Variants in GRID1 observed in about 807,000 individuals in gnomAD.
The protein encoded by GRID1 is glutamate ionotropic receptor delta type subunit 1.
A neutral mutation model predicts 98.0 loss-of-function variants in GRID1; 28 were observed. That is an observed-to-expected ratio of 0.29 (90% CI 0.21 to 0.39). GRID1 has a LOEUF of 0.39. GRID1 is among the 10% of genes least tolerant of loss of function. The pLI is 1.00. For missense variants in GRID1, 1,111 were observed against 1,340.5 expected (o/e 0.83, Z 2.67); for synonymous variants, 553 against 538.5 (o/e 1.03, Z -0.37).
At position 85,723,148 on chromosome 10, in the gene GRID1, G is replaced by A. The variant is rs377431083; in HGVS notation, c.1859-7C>T. ...TTCACGGAAGATTCGCCACCTGCGG[G>A]AGGCAGACAAAGTGGATTGGCCAGT... On this transcript the variant is annotated splice_region_variant and splice_polypyrimidine_tract_variant and intron_variant, in intron 11 of 15. Transcript: ENST00000327946. The A allele has an allele frequency of 8.1e-6, 13 of 1,603,038 alleles. No individual in the cohort carries two copies. The African/African-American group carries it at 1.7e-4, about 21-fold the overall frequency.
chr10:86,130,993 C>A (rs556979862), intron 4 of GRID1, among the ~76,000 whole-genome samples: 1 of 151,878 alleles, frequency 6.6e-6, no homozygotes, highest in East Asian at 1.9e-4. Context: ...CCCTATCACA[C>A]GTCCTGCGAG....
At chr10:86,250,617 C>T (rs997756828) in intron 2 of GRID1, among the ~76,000 whole-genome samples, 1 of 137,412 alleles carries the variant, frequency 7.3e-6, no homozygotes, top group African/African-American at 2.5e-5. Flanking sequence ...CAGCCCCCGC[C>T]TGGCCAGCTG....
At chr10:86,338,173 T>C (rs1260736250) in intron 2 of GRID1, among the ~76,000 whole-genome samples, 1 of 151,996 alleles carries the variant, frequency 6.6e-6, no homozygotes, top group Non-Finnish European at 1.5e-5. Context: ...CACTCATTGG[T>C]TCATGGATAG....
rs776127354 is a variant in GRID1, at chr10:85,647,321, G to A, written c.2074C>T (p.Arg692Ter). The A allele has an allele frequency of 2.5e-6, 4 of 1,614,006 alleles. No homozygotes were observed. Among genetic ancestry groups the A allele is most frequent in the African/African-American group, 1.3e-5 (1 of 74,940 alleles). Reference sequence around the variant, plus strand: ...TCCAGGGGGTTGGTGCCCTTGGCTCGGAAGTACTCATATACAGCAGAATCC... The same window carrying A: ...TCCAGGGGGTTGGTGCCCTTGGCTCAGAAGTACTCATATACAGCAGAATCC... The part of the protein sequence containing the change: ...VRDSAVYEYF[R>*]AKGTNPLEQD... The change falls in exon 13 of 16, where the codon CGA becomes TGA. Residue 692 changes from arginine (R) to a stop codon, truncating the protein, a stop_gained. Coordinates refer to ENST00000327946, the MANE Select transcript of GRID1 (RefSeq NM_017551.3). LOFTEE classifies it high-confidence loss of function.
intron 4 of GRID1, among the ~76,000 whole-genome samples, chr10:85,941,048 T>C (rs1841992010): frequency 6.6e-6 from 1 of 152,248 alleles, no homozygotes; most frequent in South Asian, 2.1e-4. Flanking sequence ...AGGACCCACA[T>C]ATATCAGGTG....
At position 85,729,160 on chromosome 10, in the gene GRID1, G is replaced by A. The variant is rs1841795359; in HGVS notation, c.1335+353C>T. 1.3e-5 allele frequency among the ~76,000 whole-genome samples: 2 copies of A among 152,066 alleles called. 1 individual carries two copies. The highest frequency in any genetic ancestry group is 4.1e-4 in the South Asian group (2 of 4,826). On this transcript the variant is annotated intron_variant, in intron 9 of 15. Transcript: ENST00000327946. ...CTCCAGCATCTATCTTGGGGTTCTG[G>A]CTACCAGAACAACTCTCCTAAGGAC...
At chr10:85,855,013 C>T (rs933641231) in intron 7 of GRID1, among the ~76,000 whole-genome samples, 3 of 152,186 alleles carry the variant, frequency 2.0e-5, no homozygotes, top group African/African-American at 7.2e-5. Flanking sequence ...ATTCAAAGGT[C>T]AACAGGAGAC....
chr10:85,999,768 C>A (rs1023046267), intron 4 of GRID1, among the ~76,000 whole-genome samples: 3 of 152,180 alleles, frequency 2.0e-5, no homozygotes, highest in Non-Finnish European at 4.4e-5. Flanking sequence ...CAAAATGCAG[C>A]TTTCTTTCAC....
At chr10:85,904,319 T>A (rs1424670152) in intron 5 of GRID1, among the ~76,000 whole-genome samples, 1 of 152,176 alleles carries the variant, frequency 6.6e-6, no homozygotes, top group Non-Finnish European at 1.5e-5. Context: ...GGAAACAAGG[T>A]GAGTTTTATG....
chr10:85,695,386 T>C (rs1250658547), intron 12 of GRID1, among the ~76,000 whole-genome samples: 1 of 152,216 alleles, frequency 6.6e-6, no homozygotes, highest in Non-Finnish European at 1.5e-5. Context: ...GAACCTAGCT[T>C]TCCTGAATTA....
intron 3 of GRID1, among the ~76,000 whole-genome samples, chr10:86,190,208 C>T (rs1053714925): frequency 2.0e-5 from 3 of 152,224 alleles, no homozygotes; most frequent in African/African-American, 7.2e-5. Context: ...CTAACCGGCC[C>T]TCCAGAATAA....
intron 2 of GRID1, among the ~76,000 whole-genome samples, chr10:86,225,757 A>G (rs2132032317): frequency 6.6e-6 from 1 of 152,302 alleles, no homozygotes; most frequent in Middle Eastern, 3.4e-3. Flanking sequence ...ACCCTTTTAT[A>G]AAGTTCAAAA....
At chr10:85,950,581 C>T (rs1842107570) in intron 4 of GRID1, among the ~76,000 whole-genome samples, 1 of 152,194 alleles carries the variant, frequency 6.6e-6, no homozygotes, top group African/African-American at 2.4e-5. Context: ...GGGAGAACAT[C>T]TCAAAAGGCC....
chr10:85,852,498 G>A (rs1043316069), intron 8 of GRID1, among the ~76,000 whole-genome samples: 1 of 152,182 alleles, frequency 6.6e-6, no homozygotes, highest in Non-Finnish European at 1.5e-5. Flanking sequence ...AGACAAGGCA[G>A]GGACCTCCAC....
chr10:85,695,989 T>A (rs979365285), intron 12 of GRID1, among the ~76,000 whole-genome samples: 1 of 152,172 alleles, frequency 6.6e-6, no homozygotes, highest in African/African-American at 2.4e-5. Context: ...AGAAGGGACT[T>A]TATTTTATCC....
At chr10:85,702,259 A>G (rs1462107580) in intron 12 of GRID1, among the ~76,000 whole-genome samples, 3 of 152,068 alleles carry the variant, frequency 2.0e-5, no homozygotes, top group Non-Finnish European at 2.9e-5. Flanking sequence ...GAAAGAATGA[A>G]GGGGAAATAA....
At chr10:85,690,722 T>C (rs573134193) in intron 12 of GRID1, among the ~76,000 whole-genome samples, 1 of 152,208 alleles carries the variant, frequency 6.6e-6, no homozygotes, top group Non-Finnish European at 1.5e-5. Flanking sequence ...AATAAATCAT[T>C]TGTAAATGTT....
chr10:85,602,824 C>A (rs1487568088), intron 15 of GRID1, 123 bp from the exon 16 acceptor site: 7 of 660,214 alleles, frequency 1.1e-5, no homozygotes, highest in Non-Finnish European at 7.8e-6. Flanking sequence ...GGCGAGTATC[C>A]CTTTCATGTG....
intron 8 of GRID1, among the ~76,000 whole-genome samples, chr10:85,826,257 C>A (rs901201367): frequency 2.6e-5 from 4 of 152,182 alleles, no homozygotes; most frequent in African/African-American, 9.7e-5. Flanking sequence ...ATCGCTTGAA[C>A]CCTGGAGGCG....
Sources: gnomAD v4.1 joint callset for allele counts (sites outside exome capture counted in the v4.1 genomes callset) on GRCh38, gnomAD v4.1.1 for gene constraint, MANE v1.5 for transcripts, NCBI Gene and HGNC (gene_info 2026-07-23, HGNC 2026-07-21) for gene names.